Variants in SLCO3A1 observed in about 807,000 individuals in gnomAD.
SLCO3A1 encodes the protein solute carrier organic anion transporter family member 3A1.
SLCO3A1 carries 27 observed loss-of-function variants against 63.1 expected under a neutral mutation model. That is an observed-to-expected ratio of 0.43 (90% confidence interval 0.32 to 0.59). SLCO3A1 has a LOEUF of 0.59. Among genes scored for constraint, SLCO3A1 ranks in the 20% least tolerant of loss-of-function variants. The pLI is 0.09. For synonymous variants in SLCO3A1, 473 were observed against 409.9 expected (o/e 1.15, Z -1.86); for missense variants, 773 against 945.8 (o/e 0.82, Z 2.40).
Position 92,018,876 on chromosome 15 carries a change from G to A in SLCO3A1, c.647-76005G>A, listed in dbSNP as rs190393579. On this transcript the variant is annotated intron_variant, in intron 2 of 9. Coordinates refer to ENST00000318445, the MANE Select transcript of SLCO3A1 (RefSeq NM_013272.4). ...TGCAAGCTGGGTGACCCTCAGTTAC[G>A]ATAATGTGACTGCAGCATCTGATGC... 3.3e-5 allele frequency among the ~76,000 whole-genome samples: 5 copies of A among 152,298 alleles called. No homozygotes were observed. The East Asian group carries it at 9.7e-4, about 29-fold the overall frequency.
intron 2 of SLCO3A1, among the ~76,000 whole-genome samples, chr15:92,090,338 C>A (rs2047456621): frequency 6.6e-6 from 1 of 152,220 alleles, no homozygotes; most frequent in Admixed American, 6.5e-5. Flanking sequence ...TTCTGCCTTA[C>A]CCCTGTGAGT....
chr15:92,004,496 G>A (rs969900441), intron 2 of SLCO3A1, among the ~76,000 whole-genome samples: 4 of 152,322 alleles, frequency 2.6e-5, no homozygotes, highest in East Asian at 1.9e-4. Context: ...TCTGCTCCAC[G>A]CAGCATTAGA....
intron 2 of SLCO3A1, among the ~76,000 whole-genome samples, chr15:92,071,500 AAC>A (rs982120672): frequency 1.3e-5 from 2 of 152,182 alleles, no homozygotes; most frequent in Admixed American, 6.5e-5. Context: ...CAGGGGAAAA[AAC>A]ACACGTCAGA....
intron 2 of SLCO3A1, among the ~76,000 whole-genome samples, chr15:92,071,896 G>A (rs1196515705): frequency 6.6e-6 from 1 of 152,228 alleles, no homozygotes; most frequent in Non-Finnish European, 1.5e-5. Flanking sequence ...GGCGTGATGA[G>A]CTCTTGTTCC....
intron 2 of SLCO3A1, among the ~76,000 whole-genome samples, chr15:92,012,005 C>T: frequency 6.6e-6 from 1 of 152,234 alleles, no homozygotes. Context: ...GAATCACCAG[C>T]ACATGAGCGG....
chr15:92,157,435 T>TCCCCC (rs1567153134), intron 9 of SLCO3A1, among the ~76,000 whole-genome samples: 5 of 151,278 alleles, frequency 3.3e-5, no homozygotes, highest in African/African-American at 1.2e-4. Context: ...CCCCCCCCCT[T>TCCCCC]GTCCTCCCTT....
intron 2 of SLCO3A1, among the ~76,000 whole-genome samples, chr15:92,035,790 C>T (rs978026183): frequency 6.6e-6 from 1 of 151,828 alleles, no homozygotes; most frequent in Admixed American, 6.6e-5. Context: ...TGCTTCCTCT[C>T]CTGGGGTGGG....
At chr15:91,991,566 T>G (rs562433390) in intron 2 of SLCO3A1, among the ~76,000 whole-genome samples, 2 of 152,358 alleles carry the variant, frequency 1.3e-5, no homozygotes, top group African/African-American at 4.8e-5. Context: ...TCTAAAATTT[T>G]CTAGTAGCCA....
At chr15:92,111,043 G>A (rs539238441) in intron 4 of SLCO3A1, among the ~76,000 whole-genome samples, 5 of 152,292 alleles carry the variant, frequency 3.3e-5, no homozygotes, top group East Asian at 1.9e-4. Flanking sequence ...TCATGTTGTC[G>A]CTTGTCCATC....
At chr15:92,137,107 A>G (rs1317941505) in intron 7 of SLCO3A1, among the ~76,000 whole-genome samples, 1 of 144,856 alleles carries the variant, frequency 6.9e-6, no homozygotes, top group African/African-American at 2.7e-5. Flanking sequence ...ATATCTCCCA[A>G]TGCTATCCCT....
intron 2 of SLCO3A1, among the ~76,000 whole-genome samples, chr15:91,961,105 G>C (rs909985118): frequency 1.3e-5 from 2 of 152,110 alleles, no homozygotes; most frequent in Admixed American, 6.5e-5. Context: ...GAGGACCCTT[G>C]ACTTTAAGCA....
At chr15:92,168,920 G>A (rs949587424), downstream of SLCO3A1, among the ~76,000 whole-genome samples, 1 of 152,190 alleles carries the variant, frequency 6.6e-6, no homozygotes, top group African/African-American at 2.4e-5. Flanking sequence ...ATGGGCACAT[G>A]AGGGAGAAAT....
At chr15:92,155,859 G>A (rs1410696639) in intron 9 of SLCO3A1, among the ~76,000 whole-genome samples, 1 of 152,152 alleles carries the variant, frequency 6.6e-6, no homozygotes, top group Non-Finnish European at 1.5e-5. Context: ...AATAGATCAA[G>A]TGTCTCAGGG....
At position 91,859,768 on chromosome 15, in the gene SLCO3A1, C is replaced by T. The variant is rs1466566008; in HGVS notation, c.180+5680C>T. Among the ~76,000 whole-genome samples, 1 of 152,076 alleles carries T rather than the reference C, an allele frequency of 6.6e-6. No homozygotes were observed. The highest frequency in any genetic ancestry group is 2.4e-5 in the African/African-American group (1 of 41,392). ...AACAATATCTGGCACATAGTGAGTG[C>T]CCAGGAAATATTAGCTATTACTATT... On this transcript the variant is annotated intron_variant, in intron 1 of 9. Transcript: ENST00000318445. The surrounding 1 kb of genome is among the most constrained non-coding windows in gnomAD (Gnocchi z 5.1).
chr15:92,130,693 A>T (rs148193554), intron 7 of SLCO3A1, among the ~76,000 whole-genome samples: 1,626 of 152,236 alleles, frequency 0.011, 15 homozygotes, highest in Non-Finnish European at 0.015. Context: ...GTCACTCGTG[A>T]CCCATGGCAG....
Position 91,854,689 on chromosome 15 carries a change from T to G in SLCO3A1, c.180+601T>G, listed in dbSNP as rs1896869373. ...GCCACCCGGTATCCCTATAGCCCTC[T>G]TTGAGCGTCTGGGATAAAGTTACGG... is the stretch of plus-strand genomic sequence containing the variant. On this transcript the variant is annotated intron_variant, in intron 1 of 9. Transcript: ENST00000318445. The surrounding 1 kb of genome is among the most constrained non-coding windows in gnomAD (Gnocchi z 6.4). 6.6e-6 allele frequency among the ~76,000 whole-genome samples: 1 copy of G among 152,172 alleles called. No homozygotes were observed. Among genetic ancestry groups the G allele is most frequent in the Non-Finnish European group, 1.5e-5 (1 of 68,032 alleles).
intron 1 of SLCO3A1, among the ~76,000 whole-genome samples, chr15:91,855,230 G>T (rs1385564487): frequency 6.6e-6 from 1 of 152,084 alleles, no homozygotes; most frequent in East Asian, 1.9e-4. Context: ...CCTGGCCTTG[G>T]GGTAAAGTTC....
Position 91,948,028 on chromosome 15 carries a change from G to A in SLCO3A1, c.646+31570G>A, listed in dbSNP as rs1267021972. On this transcript the variant is annotated intron_variant, in intron 2 of 9. Transcript: ENST00000318445. The surrounding 1 kb of genome is among the most constrained non-coding windows in gnomAD (Gnocchi z 4.8). ...CCCAACTAGGTGTTCCAGCAGGGCC[G>A]TGGGAGCAGAAGCAGAATTCAGATG... is the stretch of plus-strand genomic sequence containing the variant. Among the ~76,000 whole-genome samples, 4 of 152,322 alleles carry A rather than the reference G, an allele frequency of 2.6e-5. No homozygotes were observed. Among genetic ancestry groups the A allele is most frequent in the Admixed American group, 6.5e-5 (1 of 15,304 alleles).
chr15:92,000,416 A>G, intron 2 of SLCO3A1, among the ~76,000 whole-genome samples: 1 of 151,288 alleles, frequency 6.6e-6, no homozygotes, highest in African/African-American at 2.4e-5. Context: ...AAAAAAAAAA[A>G]GAATCTGGGG....
Sources: allele counts gnomAD v4.1 joint callset (sites outside exome capture counted in the v4.1 genomes callset), GRCh38; gene constraint gnomAD v4.1.1; non-coding constraint Gnocchi (gnomAD v3.1); transcripts MANE v1.5; gene names NCBI Gene and HGNC (gene_info 2026-07-23, HGNC 2026-07-21).